The following PBX3 variants were observed in gnomAD, a reference collection of about 807,000 sequenced individuals.
PBX3 encodes PBX homeobox 3, also known as pre-B-cell leukemia transcription factor 3.
PBX3 carries 14 observed loss-of-function variants against 48.5 expected under a neutral mutation model. That is an observed-to-expected ratio of 0.29 (90% confidence interval 0.19 to 0.45). PBX3 has a LOEUF of 0.45. Ranked by LOEUF, PBX3 falls within the 20% of genes least tolerant of loss-of-function variation. The probability of loss-of-function intolerance (pLI) is 1.00; values close to 1 mark genes in which losing one functional copy is unlikely to be tolerated. For missense variants in PBX3, 386 were observed against 546.7 expected, an observed-to-expected ratio of 0.71 and a Z score of 2.93; for synonymous variants, 210 against 200.3, an observed-to-expected ratio of 1.05 and a Z score of -0.41.
chr9:125,830,286 C>G (rs1838921961), intron 2 of PBX3, among the ~76,000 whole-genome samples: 1 of 151,752 alleles, frequency 6.6e-6, no homozygotes, highest in Non-Finnish European at 1.5e-5. Flanking sequence ...TTTTATTGTT[C>G]ATGTTAAGGA....
In PBX3 at chr9:125,929,920, G is replaced by A. The variant is rs973604909; in HGVS notation, c.707+75G>A. ...CTTGTGTATTATTTTCTGTAAAACT[G>A]ACCAGTTGGTCTTAGATTCTTTTGG... On this transcript the variant is annotated intron_variant, in intron 4 of 8. Coordinates refer to ENST00000373489, the MANE Select transcript of PBX3 (RefSeq NM_006195.6). 5 of 1,132,124 alleles carry A rather than the reference G, an allele frequency of 4.4e-6. No homozygotes were observed. The African/African-American group carries it at 7.7e-5, about 17-fold the overall frequency. The allele number at this position is 1,132,124 out of a possible 1,614,324, so 70.1% of individuals were successfully genotyped here.
intron 5 of PBX3, among the ~76,000 whole-genome samples, chr9:125,948,546 T>A (rs1842114078): frequency 6.6e-6 from 1 of 152,056 alleles, no homozygotes; most frequent in South Asian, 2.1e-4. Context: ...AATAACTGAA[T>A]GACAGTGAAA....
At chr9:125,754,660 A>G (rs1036802273) in intron 2 of PBX3, among the ~76,000 whole-genome samples, 1 of 152,108 alleles carries the variant, frequency 6.6e-6, no homozygotes, top group Non-Finnish European at 1.5e-5. Context: ...TGTAGGCAGA[A>G]TTGCAACAAG....
chr9:125,869,401 G>A (rs1840063244), intron 2 of PBX3, among the ~76,000 whole-genome samples: 1 of 152,146 alleles, frequency 6.6e-6, no homozygotes, highest in African/African-American at 2.4e-5. Context: ...GAAATATACT[G>A]GTATTCAAAT....
chr9:125,779,963 G>C (rs1214177922), intron 2 of PBX3, among the ~76,000 whole-genome samples: 1 of 127,836 alleles, frequency 7.8e-6, no homozygotes, highest in Admixed American at 7.7e-5. Flanking sequence ...CCTCCCGGAC[G>C]GGGCGGCTGG....
chr9:125,882,957 C>G (rs1307329993), intron 2 of PBX3, among the ~76,000 whole-genome samples: 2 of 152,114 alleles, frequency 1.3e-5, no homozygotes, highest in African/African-American at 4.8e-5. Flanking sequence ...GACAGAAGGT[C>G]CATTTACATA....
chr9:125,878,920 A>G (rs1840316456), intron 2 of PBX3, among the ~76,000 whole-genome samples: 1 of 152,040 alleles, frequency 6.6e-6, no homozygotes, highest in African/African-American at 2.4e-5. Context: ...TTTTGTGTAT[A>G]TCTTTTAAGT....
chr9:125,815,967 C>A (rs1414625811), intron 2 of PBX3, among the ~76,000 whole-genome samples: 3 of 151,024 alleles, frequency 2.0e-5, no homozygotes, highest in Admixed American at 6.6e-5. Flanking sequence ...TTCAGCCCCA[C>A]CCCCTACTCT....
At chr9:125,797,757 G>T (rs1189424651) in intron 2 of PBX3, among the ~76,000 whole-genome samples, 1 of 151,960 alleles carries the variant, frequency 6.6e-6, no homozygotes, top group Non-Finnish European at 1.5e-5. Flanking sequence ...TCCTTATATT[G>T]TACATTAGGT....
At chr9:125,818,816 T>A (rs1009623419) in intron 2 of PBX3, among the ~76,000 whole-genome samples, 11 of 151,918 alleles carry the variant, frequency 7.2e-5, no homozygotes, top group Non-Finnish European at 1.6e-4. Flanking sequence ...TTTTTATTAT[T>A]TTGAAGATGA....
At chr9:125,943,987 A>G (rs1370524026) in intron 5 of PBX3, among the ~76,000 whole-genome samples, 1 of 152,232 alleles carries the variant, frequency 6.6e-6, no homozygotes, top group Non-Finnish European at 1.5e-5. Flanking sequence ...GCCAGTGCCT[A>G]CTATTGGCCA....
At chr9:125,828,995 A>G (rs762975393) in intron 2 of PBX3, among the ~76,000 whole-genome samples, 1 of 152,140 alleles carries the variant, frequency 6.6e-6, no homozygotes, top group Non-Finnish European at 1.5e-5. Flanking sequence ...ATCCCCTGAG[A>G]GGTTTTTTGA....
intron 2 of PBX3, among the ~76,000 whole-genome samples, chr9:125,878,336 A>G (rs1031956305): frequency 3.9e-5 from 6 of 152,340 alleles, no homozygotes; most frequent in Non-Finnish European, 5.9e-5. Flanking sequence ...GGGAAATTTC[A>G]TAATGATGAA....
chr9:125,816,750 T>C (rs943262203), intron 2 of PBX3, among the ~76,000 whole-genome samples: 5 of 152,188 alleles, frequency 3.3e-5, no homozygotes, highest in Non-Finnish European at 2.9e-5. Flanking sequence ...TTTTTGTGTG[T>C]GTTTGTGTGT....
chr9:125,764,299 G>T (rs1263498440), intron 2 of PBX3, among the ~76,000 whole-genome samples: 1 of 152,202 alleles, frequency 6.6e-6, no homozygotes, highest in African/African-American at 2.4e-5. Context: ...TGAAATAACA[G>T]AACTGTACTT....
intron 2 of PBX3, among the ~76,000 whole-genome samples, chr9:125,900,413 C>T (rs1294882911): frequency 5.3e-5 from 8 of 151,618 alleles, no homozygotes; most frequent in African/African-American, 1.9e-4. Context: ...GCATCTTTTG[C>T]TTGGGGTCTG....
At chr9:125,791,301 G>GTCTATCTATCTATCTATCTA (rs61202902) in intron 2 of PBX3, among the ~76,000 whole-genome samples, 1,242 of 108,996 alleles carry the variant, frequency 0.011, 5 homozygotes, top group East Asian at 0.014. Context: ...CTGTCTGTCT[G>GTCTATCTATCTATCTATCTA]TCTATCTATC....
At chr9:125,888,909 A>G (rs1023369781) in intron 2 of PBX3, among the ~76,000 whole-genome samples, 1 of 152,172 alleles carries the variant, frequency 6.6e-6, no homozygotes, top group Non-Finnish European at 1.5e-5. Flanking sequence ...CACATCCAAT[A>G]TGGAATATTC....
At position 125,759,048 on chromosome 9, in the gene PBX3, C is replaced by G. The variant is rs1255650485; in HGVS notation, c.274+10425C>G. On this transcript the variant is annotated intron_variant, in intron 2 of 8. Transcript: ENST00000373489. The surrounding 1 kb of genome is among the most constrained non-coding windows in gnomAD (Gnocchi z 4.2). ...GCTGTCTTTGCTTCAGAGGTGGCAG[C>G]AGAACTACTCAACTTAGGCAGAGAA... is the stretch of plus-strand genomic sequence containing the variant. 6.6e-6 allele frequency among the ~76,000 whole-genome samples: 1 copy of G among 152,074 alleles called. No individual in the cohort carries two copies. Among genetic ancestry groups the G allele is most frequent in the African/African-American group, 2.4e-5 (1 of 41,380 alleles).
Sources: gnomAD v4.1 joint callset for allele counts (sites outside exome capture counted in the v4.1 genomes callset) on GRCh38, gnomAD v4.1.1 for gene constraint, Gnocchi (gnomAD v3.1) non-coding constraint, MANE v1.5 for transcripts, NCBI Gene and HGNC (gene_info 2026-07-23, HGNC 2026-07-21) for gene names.